The following SHROOM2 variants were observed in gnomAD, a reference collection of about 807,000 sequenced individuals.
The protein encoded by SHROOM2 is protein Shroom2.
Under a neutral mutation model 75.9 loss-of-function variants are expected in SHROOM2, and 33 were observed. That is an observed-to-expected ratio of 0.43 (90% CI 0.33 to 0.58). The LOEUF (loss-of-function observed/expected upper bound fraction) is 0.58. Among genes scored for constraint, SHROOM2 ranks in the 20% least tolerant of loss-of-function variants. SHROOM2 has a pLI of 0.04. For synonymous variants in SHROOM2, 655 were observed against 663.6 expected, an observed-to-expected ratio of 0.99 and a Z score of 0.20; for missense variants, 1,434 against 1,461.2, an observed-to-expected ratio of 0.98 and a Z score of 0.30.
At position 9,937,525 on chromosome X, in the gene SHROOM2, G is replaced by A; in HGVS notation, c.3979G>A (p.Asp1327Asn). 1 of 1,211,899 alleles carries A rather than the reference G, an allele frequency of 8.3e-7. No homozygotes were observed. The highest frequency in any genetic ancestry group is 1.1e-6 in the Non-Finnish European group (1 of 895,600). Reference protein sequence around the residue: ...EELAREIVGKDKSLADILDPS... With the variant: ...EELAREIVGKNKSLADILDPS... ...GCTGGCCAGGGAGATCGTGGGGAAG[G>A]ATAAGTCCCTGGCCGACATCCTGGA... The change falls in exon 7 of 10, where the codon GAT becomes AAT. Residue 1327 changes from aspartate to asparagine, a missense_variant. Asp to Asn is a conservative substitution (Grantham distance 23). This residue lies in a region of SHROOM2 where 1,340 missense variants were observed against 1,338.3 expected (regional missense o/e 1.00). Transcript: ENST00000380913.
intron 1 of SHROOM2, among the ~76,000 whole-genome samples, chrX:9,789,598 G>T (rs979476336): frequency 2.7e-5 from 3 of 111,127 alleles, no homozygotes; most frequent in African/African-American, 6.6e-5. Context: ...AGTCTTCAGT[G>T]GGGGGAGGGG....
rs182296179 is a variant in SHROOM2 at position 9,861,697 on chromosome X, C to T, written c.166-11955C>T. 4.4e-3 allele frequency among the ~76,000 whole-genome samples: 489 copies of T among 112,076 alleles called. 5 individuals carry two copies. Among genetic ancestry groups the T allele is most frequent in the African/African-American group, 0.015 (463 of 30,890 alleles). On this transcript the variant is annotated intron_variant, in intron 1 of 9. Coordinates refer to ENST00000380913, the MANE Select transcript of SHROOM2 (RefSeq NM_001649.4). Reference sequence around the variant, plus strand: ...ATTGTTTCACTGTTATCCTCCTGGTCGTCCTAGGATGTAAGACAACCAGCT... The same window carrying T: ...ATTGTTTCACTGTTATCCTCCTGGTTGTCCTAGGATGTAAGACAACCAGCT...
At chrX:9,867,586 A>G (rs2084147551) in intron 1 of SHROOM2, among the ~76,000 whole-genome samples, 1 of 111,286 alleles carries the variant, frequency 9.0e-6, no homozygotes, top group East Asian at 2.8e-4. Flanking sequence ...TGATGCTATC[A>G]CGCATGCGGC....
intron 2 of SHROOM2, among the ~76,000 whole-genome samples, 190 bp downstream of exon 2, chrX:9,873,993 G>A (rs922102941): frequency 3.6e-5 from 4 of 112,085 alleles, no homozygotes; most frequent in South Asian, 7.4e-4. Flanking sequence ...TTATTACGAC[G>A]ATTTTTATAA....
At chrX:9,897,109 G>A (rs2084337250) in intron 4 of SHROOM2, among the ~76,000 whole-genome samples, 1 of 111,938 alleles carries the variant, frequency 8.9e-6, no homozygotes, top group Admixed American at 9.5e-5. Context: ...AAACACTGAT[G>A]GATGACCTTT....
intron 2 of SHROOM2, among the ~76,000 whole-genome samples, chrX:9,878,059 T>G (rs1376992880): frequency 8.9e-6 from 1 of 112,559 alleles, no homozygotes; most frequent in Non-Finnish European, 1.9e-5. Context: ...AAAGCACCTG[T>G]AATTTCAAAC....
chrX:9,794,283 T>C (rs1385456642), intron 1 of SHROOM2, among the ~76,000 whole-genome samples: 1 of 112,295 alleles, frequency 8.9e-6, no homozygotes, highest in East Asian at 2.8e-4. Context: ...CCTGCCTCTT[T>C]GCAACCCCTT....
At chrX:9,914,758 G>A (rs191038919) in intron 5 of SHROOM2, among the ~76,000 whole-genome samples, 2 of 112,112 alleles carry the variant, frequency 1.8e-5, no homozygotes, top group Admixed American at 9.5e-5. Flanking sequence ...CAAACTGGGG[G>A]CGGGGTGACT....
intron 6 of SHROOM2, among the ~76,000 whole-genome samples, chrX:9,934,189 T>C (rs2084677343): frequency 8.9e-6 from 1 of 112,079 alleles, no homozygotes; most frequent in Non-Finnish European, 1.9e-5. Flanking sequence ...ACCAAGTCGA[T>C]GAATGCAGGT....
intron 1 of SHROOM2, among the ~76,000 whole-genome samples, chrX:9,849,623 A>G (rs951376699): frequency 1.3e-4 from 14 of 111,521 alleles, no homozygotes; most frequent in African/African-American, 3.9e-4. Context: ...CTCCTGGATC[A>G]AGAACCTTTT....
chrX:9,900,798 C>T (rs1419484354), intron 5 of SHROOM2, among the ~76,000 whole-genome samples: 3 of 111,001 alleles, frequency 2.7e-5, no homozygotes, highest in Non-Finnish European at 3.8e-5. Flanking sequence ...AGACCCAGCA[C>T]GTTTGCTTCC....
intron 9 of SHROOM2, among the ~76,000 whole-genome samples, 186 bp downstream of exon 9, chrX:9,945,099 G>GTTGT (rs200731017): frequency 0.29 from 31,201 of 106,306 alleles, 4,035 homozygotes; most frequent in East Asian, 0.57. Flanking sequence ...TATTTCTTTA[G>GTTGT]TTGTTTGTTT....
chrX:9,786,603 G>A lies in SHROOM2; in HGVS notation c.58G>A (p.Ala20Thr). The A allele has an allele frequency of 1.1e-6, 1 of 875,268 alleles. No homozygotes were observed. Among genetic ancestry groups the A allele is most frequent in the African/African-American group, 2.1e-5 (1 of 47,022 alleles). 72.1% of individuals were successfully genotyped at this position (875,268 alleles called of 1,213,427 possible). A position where few individuals can be genotyped will look rare whatever the true frequency, so the allele number is the denominator to read the frequency against. The change falls in exon 1 of 10, where the codon GCG (alanine) becomes ACG (threonine). Residue 20 changes from alanine to threonine, a missense_variant. By Grantham distance (58) the Ala-to-Thr change is moderately conservative (BLOSUM62 0). Coordinates refer to ENST00000380913, the MANE Select transcript of SHROOM2 (RefSeq NM_001649.4). ...GCGCCTGGCCGAGGCCGAGACGCGG[G>A]CGGCGGACGGCGGGCGCCTGGTGGA... ...PERLAEAETRAADGGRLVEVQ... is the reference protein window; with the variant it reads ...PERLAEAETRTADGGRLVEVQ...
At chrX:9,819,439 C>A in intron 1 of SHROOM2, 1 of 356,504 alleles carries the variant, frequency 2.8e-6, no homozygotes, top group South Asian at 5.6e-5. Flanking sequence ...TAGAACTGGT[C>A]TGATATGCTG....
At position 9,786,729 on chromosome X, in the gene SHROOM2, G is replaced by A. The variant is rs2083615458; in HGVS notation, c.165+19G>A. On this transcript the variant is annotated intron_variant, in intron 1 of 9. Transcript: ENST00000380913. ...CACCAAGGTAAGGCGGCCGCGGGGC[G>A]CGGGCGCTGACAGCCGGGAGCTGGC... 3 of 876,287 alleles carry A rather than the reference G, an allele frequency of 3.4e-6. No homozygotes were observed. The Admixed American group carries it at 2.0e-4, about 57-fold the overall frequency. The allele number at this position is 876,287 out of a possible 1,213,427, so 72.2% of individuals were successfully genotyped here. A position where few individuals can be genotyped will look rare whatever the true frequency, so the allele number is the denominator to read the frequency against.
intron 1 of SHROOM2, among the ~76,000 whole-genome samples, chrX:9,846,978 T>A (rs1282650940): frequency 8.9e-6 from 1 of 112,403 alleles, no homozygotes; most frequent in East Asian, 2.8e-4. Context: ...AAATCTGGGC[T>A]CTAAGACAGC....
intron 1 of SHROOM2, among the ~76,000 whole-genome samples, chrX:9,821,492 C>T (rs1042806577): frequency 1.8e-5 from 2 of 111,189 alleles, no homozygotes; most frequent in African/African-American, 6.5e-5. Flanking sequence ...TTATTGTGAA[C>T]TCTGCCCCTG....
At chrX:9,794,661 C>T (rs1260344722) in intron 1 of SHROOM2, among the ~76,000 whole-genome samples, 1 of 112,031 alleles carries the variant, frequency 8.9e-6, no homozygotes, top group Non-Finnish European at 1.9e-5. Flanking sequence ...TGAGCCACCG[C>T]GCCCAGCCAT....
chrX:9,818,969 T>C lies in SHROOM2; in HGVS notation c.165+32259T>C, dbSNP rs992036003. The C allele has an allele frequency of 1.9e-5, 12 of 633,815 alleles. 1 individual carries two copies. The highest frequency in any genetic ancestry group is 3.2e-5 in the Non-Finnish European group (12 of 375,138). The allele number at this position is 633,815 out of a possible 1,213,427, so 52.2% of individuals were successfully genotyped here. On this transcript the variant is annotated intron_variant, in intron 1 of 9. Transcript: ENST00000380913. Reference sequence around the variant, plus strand: ...GGAGGAGGGCTAATTTCTTTGGTGGTGGTGTCTCACTGCTGGATACGGAGC... The same window carrying C: ...GGAGGAGGGCTAATTTCTTTGGTGGCGGTGTCTCACTGCTGGATACGGAGC...
Sources: allele counts gnomAD v4.1 joint callset (sites outside exome capture counted in the v4.1 genomes callset), GRCh38; gene constraint gnomAD v4.1.1; regional missense constraint gnomAD v4.1.1; transcripts MANE v1.5; gene names NCBI Gene and HGNC (gene_info 2026-07-23, HGNC 2026-07-21).